GATAD2B: variants seen among roughly 807,000 people sequenced by gnomAD.
GATAD2B encodes transcriptional repressor p66-beta.
In GATAD2B, 8 loss-of-function variants were observed where a neutral mutation model predicts 64.3. The ratio of observed to expected loss-of-function variants is 0.12; its 90% CI spans 0.07 to 0.22. GATAD2B has a LOEUF of 0.22. Among genes scored for constraint, GATAD2B ranks in the 10% least tolerant of loss-of-function variants. The pLI is 1.00. For synonymous variants in GATAD2B, 281 were observed against 271.3 expected, an observed-to-expected ratio of 1.04 and a Z score of -0.35; for missense variants, 453 against 752.0, an observed-to-expected ratio of 0.60 and a Z score of 4.65.
intron 1 of GATAD2B, among the ~76,000 whole-genome samples, chr1:153,861,867 T>C (rs1405516291): frequency 1.4e-5 from 2 of 146,316 alleles, no homozygotes; most frequent in Non-Finnish European, 3.0e-5. Flanking sequence ...TATATATGTA[T>C]ATATATGTGT....
chr1:153,882,449 A>C (rs142669092), intron 1 of GATAD2B, among the ~76,000 whole-genome samples: 5 of 152,258 alleles, frequency 3.3e-5, no homozygotes, highest in African/African-American at 1.2e-4. Flanking sequence ...CACAGATAGG[A>C]CATCTGATTT....
At chr1:153,812,197 T>TA in intron 8 of GATAD2B, 65 bp from the exon 9 acceptor site, 1 of 890,562 alleles carries the variant, frequency 1.1e-6, no homozygotes, top group Non-Finnish European at 1.8e-6. Flanking sequence ...TTCCTTTTTT[T>TA]TTTTTTTTTT....
chr1:153,898,059 T>G (rs1443286618), intron 1 of GATAD2B, among the ~76,000 whole-genome samples: 1 of 145,702 alleles, frequency 6.9e-6, no homozygotes, highest in Non-Finnish European at 1.5e-5. Flanking sequence ...ATTCTAGCAC[T>G]CTGGGAGGCT....
At chr1:153,922,299 A>G (rs529245593) in intron 1 of GATAD2B, among the ~76,000 whole-genome samples, 49 of 132,542 alleles carry the variant, frequency 3.7e-4, no homozygotes, top group East Asian at 3.1e-3. Context: ...AAAAAAAAAA[A>G]GGGGGGGGCG....
At chr1:153,918,660 T>C (rs1678341744) in intron 1 of GATAD2B, among the ~76,000 whole-genome samples, 1 of 152,196 alleles carries the variant, frequency 6.6e-6, no homozygotes, top group Non-Finnish European at 1.5e-5. Flanking sequence ...TTTTTTTAAA[T>C]GGATACTAAG....
chr1:153,813,574 G>T (rs1206769085), intron 7 of GATAD2B, 122 bp from the exon 8 acceptor site: 7 of 686,014 alleles, frequency 1.0e-5, no homozygotes, highest in South Asian at 7.3e-5. Flanking sequence ...TTACAAAAAG[G>T]ATATTCTATA....
chr1:153,828,277 C>T lies in GATAD2B; in HGVS notation c.71G>A (p.Arg24Gln), dbSNP rs867670850. Residue 24 changes from arginine (R) to glutamine (Q), a missense_variant, in exon 2 of 11, where the codon CGA becomes CAA. Physicochemically the swap from Arg to Gln is conservative, Grantham distance 43. Coordinates refer to ENST00000368655, the MANE Select transcript of GATAD2B (RefSeq NM_020699.4). ...GAGTCGCTTTGCCAGGACATCATCT[C>T]GCTCATCTGCTGGGTCCAAGCTCCG... ...LKRSLDPADERDDVLAKRLKM... is the reference protein window; with the variant it reads ...LKRSLDPADEQDDVLAKRLKM... 9 of 1,613,908 alleles carry T rather than the reference C, an allele frequency of 5.6e-6. No homozygotes were observed. Among genetic ancestry groups the T allele is most frequent in the East Asian group, 2.2e-5 (1 of 44,894 alleles).
At chr1:153,901,826 A>T (rs978788344) in intron 1 of GATAD2B, among the ~76,000 whole-genome samples, 12 of 148,082 alleles carry the variant, frequency 8.1e-5, no homozygotes, top group Admixed American at 2.0e-4. Flanking sequence ...TCTTGCTAAA[A>T]ATAAATAAAT....
intron 1 of GATAD2B, among the ~76,000 whole-genome samples, chr1:153,892,883 C>T (rs1010026227): frequency 4.0e-5 from 6 of 151,846 alleles, no homozygotes; most frequent in African/African-American, 4.8e-5. Flanking sequence ...TTAGTAGAGA[C>T]GGGGTTTCAC....
chr1:153,850,159 T>C (rs1049118811), intron 1 of GATAD2B, among the ~76,000 whole-genome samples: 1 of 152,178 alleles, frequency 6.6e-6, no homozygotes, highest in Non-Finnish European at 1.5e-5. Flanking sequence ...TCCTCCAGAG[T>C]AGCTTTACAT....
At chr1:153,840,282 G>C (rs61197068) in intron 1 of GATAD2B, among the ~76,000 whole-genome samples, 1,684 of 151,428 alleles carry the variant, frequency 0.011, 33 homozygotes, top group African/African-American at 0.038. Flanking sequence ...TGATCCACCT[G>C]CCTCGGCCTC....
chr1:153,899,851 A>G (rs983028038), intron 1 of GATAD2B, among the ~76,000 whole-genome samples: 2 of 152,150 alleles, frequency 1.3e-5, no homozygotes, highest in Admixed American at 1.3e-4. Context: ...CTTAAAGTCT[A>G]ACAAAATTGT....
chr1:153,889,799 CTATT>C (rs1358368245), intron 1 of GATAD2B: 2 of 156,928 alleles, frequency 1.3e-5, no homozygotes, highest in Non-Finnish European at 2.8e-5. Flanking sequence ...ACTTTGTACT[CTATT>C]TGGGTATGTA....
chr1:153,888,270 T>C (rs1365428877), intron 1 of GATAD2B, among the ~76,000 whole-genome samples: 1 of 151,840 alleles, frequency 6.6e-6, no homozygotes, highest in Non-Finnish European at 1.5e-5. Context: ...TGCCTATCCT[T>C]GGAAAAAAAA....
chr1:153,892,178 A>G (rs1342867319), intron 1 of GATAD2B, among the ~76,000 whole-genome samples: 2 of 151,240 alleles, frequency 1.3e-5, no homozygotes, highest in Non-Finnish European at 3.0e-5. Context: ...AAAAAAAAAA[A>G]AAAAAAAGAA....
At chr1:153,914,227 CAAAAAAAAA>C (rs759245034) in intron 1 of GATAD2B, among the ~76,000 whole-genome samples, 12 of 65,964 alleles carry the variant, frequency 1.8e-4, no homozygotes, top group African/African-American at 4.8e-4. Flanking sequence ...CCCAGACTCT[CAAAAAAAAA>C]AAAAAAAAAA....
chr1:153,815,717 G>C (rs1265607568), intron 7 of GATAD2B, among the ~76,000 whole-genome samples: 1 of 151,898 alleles, frequency 6.6e-6, no homozygotes, highest in Non-Finnish European at 1.5e-5. Context: ...AGATTAGATA[G>C]ATGATAGATT....
chr1:153,912,358 A>T (rs1176768282), intron 1 of GATAD2B, among the ~76,000 whole-genome samples: 3 of 152,114 alleles, frequency 2.0e-5, no homozygotes, highest in Non-Finnish European at 4.4e-5. Context: ...AAATAAGCAA[A>T]ACTTTCAAAT....
chr1:153,815,774 G>A (rs1415694873), intron 7 of GATAD2B, among the ~76,000 whole-genome samples: 2 of 152,130 alleles, frequency 1.3e-5, no homozygotes, highest in South Asian at 2.1e-4. Flanking sequence ...GCCGGCTGAC[G>A]GGGTACAGTG....
Sources: gnomAD v4.1 joint callset for allele counts (sites outside exome capture counted in the v4.1 genomes callset) on GRCh38, gnomAD v4.1.1 for gene constraint, MANE v1.5 for transcripts, NCBI Gene and HGNC (gene_info 2026-07-23, HGNC 2026-07-21) for gene names.